The following SNTB1 variants were observed in gnomAD, a reference collection of about 807,000 sequenced individuals.
The protein encoded by SNTB1 is beta-1-syntrophin.
A neutral mutation model predicts 48.9 loss-of-function variants in SNTB1; 36 were observed. That is an observed-to-expected ratio of 0.74 (90% CI 0.56 to 0.97). SNTB1 has a LOEUF of 0.97. Ranked by LOEUF, SNTB1 falls within the 50% of genes least tolerant of loss-of-function variation. SNTB1 has a pLI of 0.00. For synonymous variants in SNTB1, 299 were observed against 294.6 expected (o/e 1.01, Z -0.15); for missense variants, 786 against 703.4 (o/e 1.12, Z -1.33).
chr8:120,700,836 G>T (rs962633608), intron 1 of SNTB1, among the ~76,000 whole-genome samples: 5 of 152,170 alleles, frequency 3.3e-5, no homozygotes, highest in African/African-American at 9.7e-5. Context: ...TCTCCTACCA[G>T]ACTGGTTTCT....
chr8:120,546,341 T>C (rs1815380349), intron 5 of SNTB1, among the ~76,000 whole-genome samples: 1 of 152,232 alleles, frequency 6.6e-6, no homozygotes, highest in Admixed American at 6.5e-5. Context: ...GTTAATTGTA[T>C]AGTTTCCTGA....
intron 2 of SNTB1, among the ~76,000 whole-genome samples, chr8:120,674,523 G>C (rs901248309): frequency 1.4e-4 from 21 of 152,222 alleles, no homozygotes; most frequent in African/African-American, 4.8e-4. Flanking sequence ...AGTTGGCAAA[G>C]CTCATAGCAC....
At chr8:120,610,597 A>G (rs1587029311) in intron 3 of SNTB1, among the ~76,000 whole-genome samples, 1 of 152,162 alleles carries the variant, frequency 6.6e-6, no homozygotes. Context: ...AAAAGCTTTA[A>G]AACAGTAAGG....
At chr8:120,592,692 A>G (rs1028588149) in intron 3 of SNTB1, among the ~76,000 whole-genome samples, 1 of 152,146 alleles carries the variant, frequency 6.6e-6, no homozygotes, top group Non-Finnish European at 1.5e-5. Flanking sequence ...GACAGGCATT[A>G]CATAAGCCGT....
chr8:120,651,071 T>C (rs1313850228), intron 2 of SNTB1, among the ~76,000 whole-genome samples: 1 of 152,192 alleles, frequency 6.6e-6, no homozygotes, highest in Non-Finnish European at 1.5e-5. Context: ...CACAGTGCCA[T>C]GCTCATCTTG....
At chr8:120,687,113 A>G (rs1818047742) in intron 2 of SNTB1, among the ~76,000 whole-genome samples, 1 of 152,228 alleles carries the variant, frequency 6.6e-6, no homozygotes, top group African/African-American at 2.4e-5. Flanking sequence ...AGAGTTCTAT[A>G]TAAAACATGA....
At position 120,811,305 on chromosome 8, in the gene SNTB1, A is replaced by G. The variant is rs1468087665; in HGVS notation, c.539T>C (p.Leu180Ser). ...CAGCACTTCCTTGCCCGCGCGCTTC[A>G]ACGCCTGCACCGCCTCGTCGTGGGT... ...DATHDEAVQA[L>S]KRAGKEVLLE... is the part of the protein sequence containing the mutation. Residue 180 changes from leucine to serine, a missense_variant, in exon 1 of 7, where the codon TTG becomes TCG. Transcript: ENST00000517992. 1 of 1,608,078 alleles carries G rather than the reference A, an allele frequency of 6.2e-7. No individual in the cohort carries two copies. The highest frequency in any genetic ancestry group is 1.1e-5 in the South Asian group (1 of 90,958).
intron 1 of SNTB1, among the ~76,000 whole-genome samples, chr8:120,777,495 T>G (rs187524615): frequency 5.3e-5 from 8 of 152,314 alleles, no homozygotes; most frequent in Non-Finnish European, 8.8e-5. Context: ...GATAGGCCCC[T>G]TTCTCCCAAT....
Position 120,800,940 on chromosome 8 carries a change from T to A in SNTB1, c.571+10333A>T, listed in dbSNP as rs868571422. ...TAGAATATTAAAATATATTCTAGTA[T>A]GAATAGAGTTTAAAATATTAGAATA... On this transcript the variant is annotated intron_variant, in intron 1 of 6. Transcript: ENST00000517992. Among the ~76,000 whole-genome samples the A allele has an allele frequency of 1.2e-4, 19 of 152,162 alleles. No individual in the cohort carries two copies. The Middle Eastern group carries it at 0.017, about 136-fold the overall frequency.
At chr8:120,724,758 C>G (rs1818724617) in intron 1 of SNTB1, among the ~76,000 whole-genome samples, 1 of 152,094 alleles carries the variant, frequency 6.6e-6, no homozygotes, top group African/African-American at 2.4e-5. Context: ...CAGAATTGCA[C>G]CGTTGAACTA....
At chr8:120,754,526 T>C (rs1165131063) in intron 1 of SNTB1, among the ~76,000 whole-genome samples, 1 of 152,002 alleles carries the variant, frequency 6.6e-6, no homozygotes, top group East Asian at 1.9e-4. Context: ...AGTTCTGGGA[T>C]TGAGATTCCT....
rs761683255 is a variant in SNTB1, at chr8:120,811,350, C to G, written c.494G>C (p.Gly165Ala). Residue 165 changes from glycine to alanine, a missense_variant, in exon 1 of 7, where the codon GGA (glycine) becomes GCA (alanine). Gly to Ala is a moderately conservative substitution (Grantham distance 60). Coordinates refer to ENST00000517992, the MANE Select transcript of SNTB1 (RefSeq NM_021021.4). ...YVGDAILSVN[G>A]ADLRDATHDE... ...GTGGGTGGCGTCCCGCAGGTCGGCT[C>G]CGTTCACGGACAGGATGGCGTCGCC... 1.2e-6 allele frequency: 2 copies of G among 1,613,360 alleles called. No individual in the cohort carries two copies. The highest frequency in any genetic ancestry group is 2.2e-5 in the South Asian group (2 of 91,082).
rs1028335822 is a variant in SNTB1 at position 120,756,085 on chromosome 8, G to A, written c.571+55188C>T. ...AGAGATGCCTACATTGGAGCATTCT[G>A]GACAAGATGACCTTCCCTTCTGTGA... On this transcript the variant is annotated intron_variant, in intron 1 of 6. Coordinates refer to ENST00000517992, the MANE Select transcript of SNTB1 (RefSeq NM_021021.4). 2.6e-5 allele frequency among the ~76,000 whole-genome samples: 4 copies of A among 152,110 alleles called. No homozygotes were observed. In the East Asian group the frequency reaches 7.7e-4, roughly 29 times the overall value.
At chr8:120,584,988 G>A (rs1356860677) in intron 3 of SNTB1, among the ~76,000 whole-genome samples, 2 of 152,120 alleles carry the variant, frequency 1.3e-5, no homozygotes, top group Non-Finnish European at 2.9e-5. Flanking sequence ...TATGTCGTCA[G>A]AAGGAACCAA....
chr8:120,597,419 C>G (rs1816343745), intron 3 of SNTB1, among the ~76,000 whole-genome samples: 1 of 152,206 alleles, frequency 6.6e-6, no homozygotes, highest in Non-Finnish European at 1.5e-5. Context: ...TAATCTGCCT[C>G]CTACAAGGGA....
chr8:120,721,077 G>A (rs1818652437), intron 1 of SNTB1, among the ~76,000 whole-genome samples: 2 of 152,140 alleles, frequency 1.3e-5, no homozygotes, highest in African/African-American at 2.4e-5. Context: ...TAGACTTTTA[G>A]GGAAAGCTAA....
intron 1 of SNTB1, among the ~76,000 whole-genome samples, chr8:120,774,487 G>A (rs146691948): frequency 1.9e-3 from 288 of 152,300 alleles, no homozygotes; most frequent in African/African-American, 5.9e-3. Flanking sequence ...TGTGGCATAC[G>A]GAGTGGAGGG....
intron 1 of SNTB1, among the ~76,000 whole-genome samples, chr8:120,778,666 T>C (rs1819779645): frequency 6.6e-6 from 1 of 152,222 alleles, no homozygotes; most frequent in Non-Finnish European, 1.5e-5. Context: ...CATCAGGCTT[T>C]TTGCTAGTAG....
At position 120,693,148 on chromosome 8, in the gene SNTB1, C is replaced by A. The variant is rs916050497; in HGVS notation, c.788+544G>T. On this transcript the variant is annotated intron_variant, in intron 2 of 6. Coordinates refer to ENST00000517992, the MANE Select transcript of SNTB1 (RefSeq NM_021021.4). ...CCAGCTCTCACTTGAACTAATAGAG[C>A]AAGAACTCACTCACTGCCTCGGGGC... Among the ~76,000 whole-genome samples the A allele has an allele frequency of 2.0e-5, 3 of 152,234 alleles. No individual in the cohort carries two copies. The South Asian group carries it at 6.2e-4, about 32-fold the overall frequency.
Sources: allele counts gnomAD v4.1 joint callset (sites outside exome capture counted in the v4.1 genomes callset), GRCh38; gene constraint gnomAD v4.1.1; transcripts MANE v1.5; gene names NCBI Gene and HGNC (gene_info 2026-07-23, HGNC 2026-07-21).